Variants in RGS6 observed in about 807,000 individuals in gnomAD.
RGS6 encodes the protein regulator of G-protein signaling 6.
RGS6 carries 30 observed loss-of-function variants against 78.5 expected under a neutral mutation model. The ratio of observed to expected loss-of-function variants is 0.38; its 90% CI spans 0.29 to 0.52. The LOEUF is 0.52. Among genes scored for constraint, RGS6 ranks in the 20% least tolerant of loss-of-function variants. RGS6 has a pLI of 0.85. For synonymous variants in RGS6, 206 were observed against 206.0 expected (o/e 1.00, Z 0.00); for missense variants, 495 against 609.7 (o/e 0.81, Z 1.98).
At chr14:72,110,541 C>G (rs1597729021) in intron 2 of RGS6, among the ~76,000 whole-genome samples, 2 of 152,210 alleles carry the variant, frequency 1.3e-5, no homozygotes, top group East Asian at 3.9e-4. Context: ...AGCGACATCT[C>G]TCTCCCTGCC....
At chr14:72,075,983 T>C (rs1173665422) in intron 2 of RGS6, among the ~76,000 whole-genome samples, 1 of 152,236 alleles carries the variant, frequency 6.6e-6, no homozygotes, top group African/African-American at 2.4e-5. Context: ...CCTCAAATTC[T>C]TCCTTCCAAT....
At chr14:72,084,319 C>T (rs556210132) in intron 2 of RGS6, among the ~76,000 whole-genome samples, 4 of 152,306 alleles carry the variant, frequency 2.6e-5, no homozygotes, top group South Asian at 4.2e-4. Flanking sequence ...TGGTAATGCT[C>T]ACTCACCCAC....
chr14:72,488,340 C>T (rs1405164208), intron 12 of RGS6, among the ~76,000 whole-genome samples: 1 of 152,142 alleles, frequency 6.6e-6, no homozygotes, highest in Non-Finnish European at 1.5e-5. Flanking sequence ...GCACAAGCTC[C>T]CAGGAACAAT....
chr14:72,267,981 G>T (rs1037991077), intron 2 of RGS6, among the ~76,000 whole-genome samples: 1 of 152,188 alleles, frequency 6.6e-6, no homozygotes, highest in South Asian at 2.1e-4. Context: ...TCACACACTC[G>T]TGTGGGTACA....
intron 15 of RGS6, among the ~76,000 whole-genome samples, chr14:72,530,336 C>T (rs2097167003): frequency 6.6e-6 from 1 of 152,192 alleles, no homozygotes; most frequent in Non-Finnish European, 1.5e-5. Context: ...ATGCCTGACA[C>T]AAGGAGACAG....
chr14:72,258,285 A>T (rs1218204194), intron 2 of RGS6, among the ~76,000 whole-genome samples: 1 of 152,230 alleles, frequency 6.6e-6, no homozygotes, highest in Non-Finnish European at 1.5e-5. Context: ...TTATTTATGT[A>T]GTGTGTCCAC....
chr14:71,936,015 G>GATATATATAT (rs55686505), intron 1 of RGS6, among the ~76,000 whole-genome samples: 3,631 of 63,594 alleles, frequency 0.057, 274 homozygotes, highest in Middle Eastern at 0.098. Context: ...GAACTAATAG[G>GATATATATAT]ATATATATAT....
At position 72,267,373 on chromosome 14, in the gene RGS6, T is replaced by A. The variant is rs368720709; in HGVS notation, c.85-84722T>A. Reference sequence around the variant, plus strand: ...TAAATAAAGTTTCTTTGGAACACAGTCATGCTCATTCGTGTACATGGTAGC... The same window carrying A: ...TAAATAAAGTTTCTTTGGAACACAGACATGCTCATTCGTGTACATGGTAGC... On this transcript the variant is annotated intron_variant, in intron 2 of 17. Transcript: ENST00000553525. Among the ~76,000 whole-genome samples, 43 of 152,354 alleles carry A rather than the reference T, an allele frequency of 2.8e-4. No individual in the cohort carries two copies. In the East Asian group the frequency reaches 8.1e-3, roughly 29 times the overall value.
intron 2 of RGS6, among the ~76,000 whole-genome samples, chr14:72,224,561 ACTT>A (rs1328189930): frequency 2.0e-5 from 3 of 152,070 alleles, no homozygotes; most frequent in African/African-American, 4.8e-5. Flanking sequence ...TAATTTTAGT[ACTT>A]CTTATTATAT....
chr14:71,959,345 T>C (rs558352131), intron 1 of RGS6, among the ~76,000 whole-genome samples: 2 of 152,238 alleles, frequency 1.3e-5, no homozygotes, highest in Admixed American at 1.3e-4. Context: ...AAAAAATCCA[T>C]TGGGTTTTAA....
intron 2 of RGS6, among the ~76,000 whole-genome samples, chr14:72,286,534 T>C (rs1456299368): frequency 6.7e-6 from 1 of 149,836 alleles, no homozygotes; most frequent in Non-Finnish European, 1.5e-5. Context: ...TTTTTTTTTC[T>C]ATTTCTGTAA....
At chr14:72,225,245 T>C (rs1021499505) in intron 2 of RGS6, among the ~76,000 whole-genome samples, 3 of 152,256 alleles carry the variant, frequency 2.0e-5, no homozygotes, top group Middle Eastern at 3.2e-3. Context: ...AGGGTTAGTC[T>C]TGTGATATGT....
chr14:71,926,424 A>G, the RGS6 span, among the ~76,000 whole-genome samples: 2 of 152,122 alleles, frequency 1.3e-5, no homozygotes, highest in Admixed American at 6.5e-5. Context: ...TCTCTACTAA[A>G]AATACAAAAA....
At chr14:72,480,303 G>C (rs2096344546) in intron 12 of RGS6, among the ~76,000 whole-genome samples, 1 of 152,212 alleles carries the variant, frequency 6.6e-6, no homozygotes, top group African/African-American at 2.4e-5. Context: ...CTCCAGGGCA[G>C]GTGTGCAGAG....
At chr14:72,349,116 T>G (rs2529468) in intron 2 of RGS6, among the ~76,000 whole-genome samples, 80,601 of 152,020 alleles carry the variant, frequency 0.53, 23,767 homozygotes, top group African/African-American at 0.8. Flanking sequence ...GCAGTGAGCC[T>G]AGATCACGCC....
At chr14:72,078,712 C>G (rs528865168) in intron 2 of RGS6, among the ~76,000 whole-genome samples, 43 of 152,276 alleles carry the variant, frequency 2.8e-4, no homozygotes, top group African/African-American at 1.0e-3. Context: ...GCCACTGCGC[C>G]CGGCCAGGTA....
chr14:72,414,812 G>T (rs1453136887), intron 3 of RGS6, among the ~76,000 whole-genome samples: 1 of 152,204 alleles, frequency 6.6e-6, no homozygotes, highest in South Asian at 2.1e-4. Flanking sequence ...TTTGCTGGAG[G>T]TCCACTCCAG....
chr14:71,985,376 C>T (rs919899539), intron 2 of RGS6, among the ~76,000 whole-genome samples: 1 of 152,214 alleles, frequency 6.6e-6, no homozygotes, highest in African/African-American at 2.4e-5. Flanking sequence ...CCCACCTTGG[C>T]CTCCCAGAGT....
intron 3 of RGS6, among the ~76,000 whole-genome samples, chr14:72,408,809 A>G (rs1055778907): frequency 1.3e-5 from 2 of 152,232 alleles, no homozygotes; most frequent in African/African-American, 4.8e-5. Flanking sequence ...AACTAGTTTT[A>G]TAGCAATTTG....
Sources: allele counts gnomAD v4.1 joint callset (sites outside exome capture counted in the v4.1 genomes callset), GRCh38; gene constraint gnomAD v4.1.1; transcripts MANE v1.5; gene names NCBI Gene and HGNC (gene_info 2026-07-23, HGNC 2026-07-21).